The following TBC1D8 variants were observed in gnomAD, a reference collection of about 807,000 sequenced individuals.
TBC1D8 encodes the protein TBC1 domain family member 8, also known as BUB2-like protein 1.
A neutral mutation model predicts 118.8 loss-of-function variants in TBC1D8; 65 were observed. That is an observed-to-expected ratio of 0.55 (90% CI 0.45 to 0.67). TBC1D8 has a LOEUF of 0.67. Among genes scored for constraint, TBC1D8 ranks in the 30% least tolerant of loss-of-function variants. The pLI, the probability that TBC1D8 is intolerant of heterozygous loss-of-function variation, is 0.00. For missense variants in TBC1D8, 1,376 were observed against 1,471.2 expected (o/e 0.94, Z 1.06); for synonymous variants, 566 against 595.8 (o/e 0.95, Z 0.73).
chr2:101,129,811 A>G (rs1348537734), intron 1 of TBC1D8, among the ~76,000 whole-genome samples: 2 of 151,840 alleles, frequency 1.3e-5, no homozygotes, highest in African/African-American at 4.8e-5. Context: ...AGACTGAGGC[A>G]GGAGAATGGT....
chr2:101,042,920 T>C (rs1210163687), intron 5 of TBC1D8, among the ~76,000 whole-genome samples: 2 of 152,144 alleles, frequency 1.3e-5, no homozygotes, highest in African/African-American at 4.8e-5. Flanking sequence ...AGATAAGACC[T>C]CACCTCAACC....
At position 101,036,130 on chromosome 2, in the gene TBC1D8, G is replaced by A; in HGVS notation, c.1491C>T (p.His497=). The part of the protein sequence containing the change: ...EQIKISLWND[H]FVEYGRTVCM... ...ACACGGTTCTGCCGTATTCCACAAA[G>A]TGGTCATTCCACAGGCTTATTTTTA... Residue 497 remains histidine, a synonymous_variant, in exon 9 of 20, where the codon CAC becomes CAT. Coordinates refer to ENST00000409318, the MANE Select transcript of TBC1D8 (RefSeq NM_001330348.2). 1 of 1,613,982 alleles carries A rather than the reference G, an allele frequency of 6.2e-7. No individual in the cohort carries two copies. Among genetic ancestry groups the A allele is most frequent in the East Asian group, 2.2e-5 (1 of 44,886 alleles).
intron 1 of TBC1D8, among the ~76,000 whole-genome samples, chr2:101,115,412 T>C (rs1677778808): frequency 6.6e-6 from 1 of 152,240 alleles, no homozygotes; most frequent in African/African-American, 2.4e-5. Flanking sequence ...GATCTTGAAA[T>C]CTGATTGTTC....
At chr2:101,136,098 G>A (rs187619989) in intron 1 of TBC1D8, among the ~76,000 whole-genome samples, 15 of 152,182 alleles carry the variant, frequency 9.9e-5, no homozygotes, top group Admixed American at 7.2e-4. Flanking sequence ...AAGTGATCCG[G>A]CAGCCTCTGC....
intron 11 of TBC1D8, 31 bp from the exon 12 acceptor site, chr2:101,029,807 G>C (rs1573897978): frequency 1.3e-6 from 2 of 1,599,374 alleles, no homozygotes; most frequent in Non-Finnish European, 1.7e-6. Context: ...GGCTCTGGCT[G>C]GGGTAGGACT....
Position 101,032,417 on chromosome 2 carries a change from C to T in TBC1D8, c.1819-32G>A, listed in dbSNP as rs180702898. On this transcript the variant is annotated intron_variant, in intron 10 of 19. Transcript: ENST00000409318. ...GGGGGTCAAGGAGGGCAGTTACTGA[C>T]TGGCCCATGTGATGCCACAGAGATG... is the stretch of plus-strand genomic sequence containing the variant. The T allele has an allele frequency of 2.9e-4, 455 of 1,580,552 alleles. 3 individuals are homozygous for T. The East Asian group carries it at 9.8e-3, about 34-fold the overall frequency.
chr2:101,038,721 A>G, intron 6 of TBC1D8, 66 bp from the exon 7 acceptor site: 1 of 1,559,444 alleles, frequency 6.4e-7, no homozygotes. Context: ...TTACATATGC[A>G]GAAGATGTCC....
At chr2:101,034,702 G>C (rs11903505) in intron 9 of TBC1D8, among the ~76,000 whole-genome samples, 4,705 of 152,330 alleles carry the variant, frequency 0.031, 263 homozygotes, top group African/African-American at 0.11. Flanking sequence ...CTTGGGCAGT[G>C]ACACGCCTCA....
At chr2:101,066,736 G>A (rs1014898773) in intron 2 of TBC1D8, among the ~76,000 whole-genome samples, 12 of 152,100 alleles carry the variant, frequency 7.9e-5, no homozygotes, top group African/African-American at 2.7e-4. Context: ...CACAAGGTCA[G>A]GAGTTTGAGA....
intron 17 of TBC1D8, chr2:101,019,073 TCTCGG>T: frequency 6.3e-7 from 1 of 1,597,596 alleles, no homozygotes; most frequent in South Asian, 1.1e-5. Flanking sequence ...AGGCCTTGGG[TCTCGG>T]CTCTTCATTG....
intron 5 of TBC1D8, among the ~76,000 whole-genome samples, chr2:101,044,878 A>G (rs1171007695): frequency 6.6e-6 from 1 of 152,262 alleles, no homozygotes; most frequent in African/African-American, 2.4e-5. Flanking sequence ...CCTCCTGAGT[A>G]GCTGGGATTA....
chr2:101,134,195 TCTCACACACACACACACACA>T (rs1262562440), intron 1 of TBC1D8, among the ~76,000 whole-genome samples: 5 of 62,754 alleles, frequency 8.0e-5, no homozygotes, highest in Non-Finnish European at 1.9e-4. Flanking sequence ...TCTCTCTCTC[TCTCACACACACACACACACA>T]CACACACACA....
chr2:101,062,388 T>G (rs755255572), intron 2 of TBC1D8, among the ~76,000 whole-genome samples: 12 of 151,694 alleles, frequency 7.9e-5, no homozygotes, highest in Non-Finnish European at 1.5e-4. Context: ...TTTCATGGAC[T>G]CATTGATCCA....
At chr2:101,125,806 C>T (rs1678324928) in intron 1 of TBC1D8, among the ~76,000 whole-genome samples, 2 of 152,140 alleles carry the variant, frequency 1.3e-5, no homozygotes, top group Admixed American at 6.6e-5. Context: ...GGCAGGGTAA[C>T]CAATATCCAC....
intron 5 of TBC1D8, among the ~76,000 whole-genome samples, chr2:101,046,357 C>T (rs1681703184): frequency 6.6e-6 from 1 of 152,202 alleles, no homozygotes; most frequent in Admixed American, 6.5e-5. Context: ...CACAGGGCAT[C>T]CTTAAGGCTC....
intron 1 of TBC1D8, among the ~76,000 whole-genome samples, chr2:101,113,639 C>G (rs922064838): frequency 1.3e-5 from 2 of 152,104 alleles, no homozygotes; most frequent in Non-Finnish European, 2.9e-5. Flanking sequence ...GTTTAATGGC[C>G]CTGTACATAA....
At chr2:101,054,698 T>G (rs1682309827) in intron 3 of TBC1D8, among the ~76,000 whole-genome samples, 9 of 118,282 alleles carry the variant, frequency 7.6e-5, no homozygotes, top group South Asian at 5.4e-4. Context: ...TTTTTTTTTT[T>G]GGAGACGGAG....
At chr2:101,053,797 T>C (rs528827799) in intron 4 of TBC1D8, among the ~76,000 whole-genome samples, 1 of 152,340 alleles carries the variant, frequency 6.6e-6, no homozygotes, top group African/African-American at 2.4e-5. Flanking sequence ...GAATATGTTC[T>C]CCACTTTGAG....
chr2:101,034,648 C>T (rs1006966117), intron 9 of TBC1D8, among the ~76,000 whole-genome samples: 15 of 152,062 alleles, frequency 9.9e-5, no homozygotes, highest in African/African-American at 2.9e-4. Context: ...TGTGTGTGCA[C>T]GTGTGTGTGC....
Sources: gnomAD v4.1 joint callset for allele counts (sites outside exome capture counted in the v4.1 genomes callset) on GRCh38, gnomAD v4.1.1 for gene constraint, MANE v1.5 for transcripts, NCBI Gene and HGNC (gene_info 2026-07-23, HGNC 2026-07-21) for gene names.